Variants in ZNF804B observed in about 807,000 individuals in gnomAD.
The protein encoded by ZNF804B is zinc finger 804B.
ZNF804B carries 80 observed loss-of-function variants against 101.4 expected under a neutral mutation model. That is an observed-to-expected ratio of 0.79 (90% confidence interval 0.66 to 0.95). ZNF804B has a LOEUF of 0.95. Among genes scored for constraint, ZNF804B ranks in the 40% least tolerant of loss-of-function variants. ZNF804B has a pLI of 0.00. For synonymous variants in ZNF804B, 622 were observed against 558.8 expected, an observed-to-expected ratio of 1.11 and a Z score of -1.59; for missense variants, 1,673 against 1,561.9, an observed-to-expected ratio of 1.07 and a Z score of -1.20.
In ZNF804B at chr7:89,334,023, T is replaced by A. The variant is rs557720351; in HGVS notation, c.1041T>A (p.Asn347Lys). ...CCAGCAGAGAAAAAGAAACTAGAAATACATTGAAGAACACTTTAGAAAATT... is the reference window on the plus strand; with the variant it reads ...CCAGCAGAGAAAAAGAAACTAGAAAAACATTGAAGAACACTTTAGAAAATT... The part of the protein sequence containing the change: ...TPTSREKETR[N>K]TLKNTLENCV... Residue 347 changes from asparagine to lysine, a missense_variant, in exon 4 of 4, where the codon AAT (asparagine) becomes AAA (lysine). Transcript: ENST00000333190. 98 of 1,613,420 alleles carry A rather than the reference T, an allele frequency of 6.1e-5. 1 individual carries two copies. In the South Asian group the frequency reaches 1.0e-3, roughly 17 times the overall value.
intron 2 of ZNF804B, among the ~76,000 whole-genome samples, chr7:89,274,290 C>T (rs868018074): frequency 1.9e-4 from 26 of 134,858 alleles, no homozygotes; most frequent in Non-Finnish European, 3.0e-4. Flanking sequence ...AGGTATATCT[C>T]CCAGTGCTAT....
intron 1 of ZNF804B, among the ~76,000 whole-genome samples, chr7:89,114,613 G>A (rs1790280399): frequency 6.6e-6 from 1 of 152,158 alleles, no homozygotes; most frequent in Admixed American, 6.5e-5. Context: ...TTGTCAGTCA[G>A]GATTCACTCA....
intron 1 of ZNF804B, among the ~76,000 whole-genome samples, chr7:89,047,668 C>T (rs1789131549): frequency 6.6e-6 from 1 of 152,092 alleles, no homozygotes. Context: ...TGCACATGTG[C>T]AATTGAGCTT....
intron 1 of ZNF804B, among the ~76,000 whole-genome samples, chr7:88,854,527 T>TTTCCTTTCCTTCCCC (rs1791519535): frequency 7.5e-5 from 3 of 40,072 alleles, no homozygotes; most frequent in African/African-American, 3.1e-4. Flanking sequence ...CTTTCCTTCC[T>TTTCCTTTCCTTCCCC]TTCCTTCCTT....
chr7:89,093,549 T>C (rs923434211), intron 1 of ZNF804B, among the ~76,000 whole-genome samples: 1 of 152,262 alleles, frequency 6.6e-6, no homozygotes, highest in Non-Finnish European at 1.5e-5. Flanking sequence ...TTGACCACTA[T>C]GGTGTCAGAC....
chr7:89,294,390 C>G (rs1329284798), intron 2 of ZNF804B, among the ~76,000 whole-genome samples: 3 of 152,072 alleles, frequency 2.0e-5, no homozygotes, highest in Admixed American at 2.0e-4. Flanking sequence ...TTCATTGTAG[C>G]CCAGTAACCA....
chr7:89,212,381 A>G (rs1788819154), intron 1 of ZNF804B, among the ~76,000 whole-genome samples: 1 of 152,078 alleles, frequency 6.6e-6, no homozygotes, highest in South Asian at 2.1e-4. Context: ...GACTTCCTGT[A>G]ACAAAAGACA....
intron 1 of ZNF804B, among the ~76,000 whole-genome samples, chr7:88,774,088 G>A (rs1790108785): frequency 2.0e-5 from 3 of 151,982 alleles, no homozygotes; most frequent in Non-Finnish European, 4.4e-5. Flanking sequence ...CTGTTGTCAT[G>A]GGTCAGTTGA....
chr7:88,998,267 G>A (rs578210413), intron 1 of ZNF804B, among the ~76,000 whole-genome samples: 6 of 152,042 alleles, frequency 3.9e-5, no homozygotes, highest in South Asian at 2.1e-4. Context: ...TAACCACAAC[G>A]CTCATCACTT....
chr7:88,814,781 A>G (rs1051445225), intron 1 of ZNF804B, among the ~76,000 whole-genome samples: 2 of 152,100 alleles, frequency 1.3e-5, no homozygotes, highest in African/African-American at 4.8e-5. Flanking sequence ...CTGACATCCA[A>G]TAAAAGTTTC....
chr7:89,174,673 A>G (rs972581600), intron 1 of ZNF804B, among the ~76,000 whole-genome samples: 5 of 152,058 alleles, frequency 3.3e-5, no homozygotes, highest in Admixed American at 6.5e-5. Flanking sequence ...GAACCTCCAT[A>G]GTACTCTCCA....
intron 1 of ZNF804B, among the ~76,000 whole-genome samples, chr7:88,773,002 A>C (rs981890803): frequency 2.0e-5 from 3 of 152,202 alleles, no homozygotes; most frequent in African/African-American, 7.2e-5. Flanking sequence ...TAACACTTAG[A>C]TGGACCATGA....
At chr7:88,905,802 T>C (rs1792460725) in intron 1 of ZNF804B, among the ~76,000 whole-genome samples, 1 of 152,024 alleles carries the variant, frequency 6.6e-6, no homozygotes, top group Non-Finnish European at 1.5e-5. Context: ...AAGCTCCTTC[T>C]CCCTGACAAT....
chr7:89,163,262 C>G (rs1378637626), intron 1 of ZNF804B, among the ~76,000 whole-genome samples: 1 of 151,908 alleles, frequency 6.6e-6, no homozygotes, highest in Non-Finnish European at 1.5e-5. Context: ...CTATTGTGTC[C>G]CTATGCCAAC....
At chr7:88,976,376 T>C (rs1342735588) in intron 1 of ZNF804B, among the ~76,000 whole-genome samples, 1 of 151,656 alleles carries the variant, frequency 6.6e-6, no homozygotes, top group African/African-American at 2.4e-5. Context: ...TTTCTTCCCA[T>C]TTATAAAGAT....
intron 1 of ZNF804B, among the ~76,000 whole-genome samples, chr7:88,959,362 T>C (rs1793358761): frequency 6.6e-6 from 1 of 151,418 alleles, no homozygotes; most frequent in African/African-American, 2.4e-5. Context: ...TTTGAGGGAA[T>C]GTTTTGCTGG....
intron 1 of ZNF804B, among the ~76,000 whole-genome samples, chr7:89,008,033 T>G (rs1788395910): frequency 6.6e-6 from 1 of 152,130 alleles, no homozygotes; most frequent in African/African-American, 2.4e-5. Context: ...GCAAGTTAAC[T>G]TCTACTTTTA....
At chr7:89,313,576 T>C (rs1341069957) in intron 2 of ZNF804B, among the ~76,000 whole-genome samples, 1 of 152,228 alleles carries the variant, frequency 6.6e-6, no homozygotes, top group East Asian at 1.9e-4. Flanking sequence ...TCTTCACTTA[T>C]TTATTCACAG....
At chr7:88,845,648 A>G (rs902799436) in intron 1 of ZNF804B, among the ~76,000 whole-genome samples, 5 of 145,554 alleles carry the variant, frequency 3.4e-5, no homozygotes, top group Non-Finnish European at 6.0e-5. Flanking sequence ...TTTTTTCTTT[A>G]TGAGACAGGA....
Sources: gnomAD v4.1 joint callset for allele counts (sites outside exome capture counted in the v4.1 genomes callset) on GRCh38, gnomAD v4.1.1 for gene constraint, MANE v1.5 for transcripts, NCBI Gene and HGNC (gene_info 2026-07-23, HGNC 2026-07-21) for gene names.